Variants in UPB1 observed in about 807,000 individuals in gnomAD.
The protein encoded by UPB1 is beta-ureidopropionase.
UPB1 carries 40 observed loss-of-function variants against 49.1 expected under a neutral mutation model. The observed-to-expected ratio is 0.81, with a 90% CI of 0.63 to 1.06. The LOEUF is 1.06. Among genes scored for constraint, UPB1 ranks in the 50% least tolerant of loss-of-function variants. The probability of loss-of-function intolerance (pLI) is 0.00; values close to 1 mark genes in which losing one functional copy is unlikely to be tolerated. For missense variants in UPB1, 499 were observed against 505.9 expected, an observed-to-expected ratio of 0.99 and a Z score of 0.13; for synonymous variants, 207 against 198.2, an observed-to-expected ratio of 1.04 and a Z score of -0.38.
intron 6 of UPB1, among the ~76,000 whole-genome samples, chr22:24,517,176 G>C (rs932964997): frequency 6.6e-6 from 1 of 152,178 alleles, no homozygotes; most frequent in Non-Finnish European, 1.5e-5. Flanking sequence ...CCCCTCCTCT[G>C]TTACCTCAGG....
chr22:24,525,376 C>G (rs558538331), intron 9 of UPB1, among the ~76,000 whole-genome samples: 1 of 152,298 alleles, frequency 6.6e-6, no homozygotes, highest in African/African-American at 2.4e-5. Flanking sequence ...GGCTAGTGAC[C>G]TGGAGCAGGT....
chr22:24,504,721 T>TC (rs1478926651), intron 3 of UPB1, among the ~76,000 whole-genome samples: 1 of 118,854 alleles, frequency 8.4e-6, no homozygotes, highest in Non-Finnish European at 1.7e-5. Context: ...ATGTATTTCC[T>TC]CCTTTTTTTT....
intron 6 of UPB1, among the ~76,000 whole-genome samples, chr22:24,518,639 A>G (rs1334590305): frequency 6.6e-6 from 1 of 152,252 alleles, no homozygotes; most frequent in Admixed American, 6.5e-5. Context: ...ACACATGTGC[A>G]TGCACACACA....
At chr22:24,496,404 TACACAC>T (rs1012330972) in intron 1 of UPB1, among the ~76,000 whole-genome samples, 263 of 126,980 alleles carry the variant, frequency 2.1e-3, no homozygotes, top group African/African-American at 6.9e-3. Context: ...CACACACACA[TACACAC>T]ACACACACAC....
intron 3 of UPB1, among the ~76,000 whole-genome samples, chr22:24,510,233 CAA>C (rs202134271): frequency 1.6e-4 from 17 of 104,682 alleles, no homozygotes; most frequent in East Asian, 5.4e-4. Flanking sequence ...AACTCCATCT[CAA>C]AAAAAAAAAA....
intron 3 of UPB1, 35 bp from the exon 4 acceptor site, chr22:24,510,714 G>T (rs1380423939): frequency 1.9e-6 from 3 of 1,607,290 alleles, no homozygotes; most frequent in South Asian, 2.2e-5. Flanking sequence ...GGCTGTGCAT[G>T]TTGGATATAA....
chr22:24,516,971 A>G (rs2044306094), intron 6 of UPB1, among the ~76,000 whole-genome samples: 3 of 151,924 alleles, frequency 2.0e-5, no homozygotes, highest in Admixed American at 6.6e-5. Context: ...TGATCCACCC[A>G]CCTTGGCCTC....
At chr22:24,520,937 C>T (rs1452165077) in intron 7 of UPB1, among the ~76,000 whole-genome samples, 1 of 152,096 alleles carries the variant, frequency 6.6e-6, no homozygotes, top group African/African-American at 2.4e-5. Context: ...AATCCTAACA[C>T]TTTGGGAATC....
Position 24,500,234 on chromosome 22 carries a change from C to G in UPB1, c.232C>G (p.Gln78Glu). 1 of 1,614,218 alleles carries G rather than the reference C, an allele frequency of 6.2e-7. No homozygotes were observed. The highest frequency in any genetic ancestry group is 8.5e-7 in the Non-Finnish European group (1 of 1,180,044). ...CCGCATTGTGCACGTGGGGCTGGTTCAGAACAGAATCCCCCTCCCCGCAAA... is the reference window on the plus strand; with the variant it reads ...CCGCATTGTGCACGTGGGGCTGGTTGAGAACAGAATCCCCCTCCCCGCAAA... ...RPRIVHVGLVQNRIPLPANAP... is the reference protein window; with the variant it reads ...RPRIVHVGLVENRIPLPANAP... Residue 78 changes from glutamine (Q) to glutamate (E), a missense_variant, in exon 2 of 10, where the codon CAG becomes GAG. Coordinates refer to ENST00000326010, the MANE Select transcript of UPB1 (RefSeq NM_016327.3).
intron 3 of UPB1, among the ~76,000 whole-genome samples, chr22:24,507,601 C>T (rs1257504067): frequency 6.6e-6 from 1 of 152,142 alleles, no homozygotes; most frequent in Non-Finnish European, 1.5e-5. Context: ...AGTAAAGGTT[C>T]TCAGTGGAAA....
At chr22:24,512,689 C>T (rs983109757) in intron 4 of UPB1, among the ~76,000 whole-genome samples, 7 of 152,060 alleles carry the variant, frequency 4.6e-5, no homozygotes, top group African/African-American at 1.7e-4. Context: ...GCTCCCCATT[C>T]CCCCAGCCCC....
In UPB1 at chr22:24,526,054, TTTG is replaced by T. The variant is rs1437830174; in HGVS notation, c.*263_*265del. 2.0e-6 allele frequency: 1 copy of T among 496,140 alleles called. No individual in the cohort carries two copies. Among genetic ancestry groups the T allele is most frequent in the African/African-American group, 2.0e-5 (1 of 51,076 alleles). 30.7% of individuals were successfully genotyped at this position (496,140 alleles called of 1,614,324 possible). On this transcript the variant is annotated 3_prime_UTR_variant, in exon 10 of 10. Coordinates refer to ENST00000326010, the MANE Select transcript of UPB1 (RefSeq NM_016327.3). ...CACTGAATTTGTATACTTCAGAATG[TTTG>T]TTATGTAAATTTTACCTCAACTAAA...
At chr22:24,507,744 C>T (rs769045561) in intron 3 of UPB1, among the ~76,000 whole-genome samples, 2 of 152,112 alleles carry the variant, frequency 1.3e-5, no homozygotes, top group Admixed American at 1.3e-4. Flanking sequence ...CATGGCAATT[C>T]CTGCCCTCTT....
At position 24,525,948 on chromosome 22, in the gene UPB1, C is replaced by T; in HGVS notation, c.*154C>T. ...AGGGGGAGAGTGGCATGGGGAGTGA[C>T]TTCTTAATGGGTAAGGGGCTGCTTA... On this transcript the variant is annotated 3_prime_UTR_variant, in exon 10 of 10. Coordinates refer to ENST00000326010, the MANE Select transcript of UPB1 (RefSeq NM_016327.3). 2 of 868,704 alleles carry T rather than the reference C, an allele frequency of 2.3e-6. No homozygotes were observed. The highest frequency in any genetic ancestry group is 3.8e-6 in the Non-Finnish European group (2 of 532,446). 53.8% of individuals were successfully genotyped at this position (868,704 alleles called of 1,614,324 possible).
At chr22:24,502,760 A>AT (rs1443845287) in intron 3 of UPB1, 2 of 530,248 alleles carry the variant, frequency 3.8e-6, no homozygotes, top group African/African-American at 3.8e-5. Flanking sequence ...CTACTTCCTA[A>AT]TTTTTTAGTT....
At chr22:24,521,196 A>AT (rs1350697117) in intron 7 of UPB1, among the ~76,000 whole-genome samples, 12 of 150,814 alleles carry the variant, frequency 8.0e-5, no homozygotes, top group African/African-American at 2.7e-4. Flanking sequence ...AAAAAAAAAA[A>AT]AAAGGCCAGG....
rs990976026 is a variant in UPB1 at position 24,528,189 on chromosome 22, C to G, written c.*2395C>G. 6.6e-6 allele frequency: 1 copy of G among 152,184 alleles called. No individual in the cohort carries two copies. Among genetic ancestry groups the G allele is most frequent in the Non-Finnish European group, 1.5e-5 (1 of 68,036 alleles). The allele number at this position is 152,184 out of a possible 1,614,324, so 9.4% of individuals were successfully genotyped here. A position where few individuals can be genotyped will look rare whatever the true frequency, so the allele number is the denominator to read the frequency against. ...GGGTGTAATCAACCTAATACAGAAGCCAGCTTAGGTGACAAATTGGTACAT... is the reference window on the plus strand; with the variant it reads ...GGGTGTAATCAACCTAATACAGAAGGCAGCTTAGGTGACAAATTGGTACAT... On this transcript the variant is annotated 3_prime_UTR_variant, in exon 10 of 10. Transcript: ENST00000326010.
intron 3 of UPB1, among the ~76,000 whole-genome samples, chr22:24,504,251 C>G (rs1344996253): frequency 6.6e-6 from 1 of 152,214 alleles, no homozygotes; most frequent in Non-Finnish European, 1.5e-5. Flanking sequence ...AAGAACACAT[C>G]AGAGGTAAAC....
At chr22:24,498,070 A>T (rs2043924372) in intron 1 of UPB1, among the ~76,000 whole-genome samples, 1 of 152,148 alleles carries the variant, frequency 6.6e-6, no homozygotes, top group Non-Finnish European at 1.5e-5. Context: ...GTCCAAGATC[A>T]AGGTGCCACA....
Sources: gnomAD v4.1 joint callset for allele counts (sites outside exome capture counted in the v4.1 genomes callset) on GRCh38, gnomAD v4.1.1 for gene constraint, MANE v1.5 for transcripts, NCBI Gene and HGNC (gene_info 2026-07-23, HGNC 2026-07-21) for gene names.